Variants in CCNH observed in about 807,000 individuals in gnomAD.
CCNH encodes the protein cyclin-H.
CCNH carries 31 observed loss-of-function variants against 41.9 expected under a neutral mutation model. The ratio of observed to expected loss-of-function variants is 0.74; its 90% CI spans 0.56 to 1.00. CCNH has a LOEUF of 1.00. Ranked by LOEUF, CCNH falls within the 50% of genes least tolerant of loss-of-function variation. The pLI, the probability that CCNH is intolerant of heterozygous loss-of-function variation, is 0.00. For synonymous variants in CCNH, 138 were observed against 136.1 expected (o/e 1.01, Z -0.10); for missense variants, 362 against 388.4 (o/e 0.93, Z 0.57).
chr5:87,369,921 A>G, intron 9 of CCNH: 2 of 1,546,186 alleles, frequency 1.3e-6, no homozygotes, highest in Non-Finnish European at 1.8e-6. Context: ...TGTTTCTCAA[A>G]CTACAGTATA....
intron 9 of CCNH, among the ~76,000 whole-genome samples, chr5:87,347,536 T>G (rs1232235472): frequency 6.6e-6 from 1 of 152,006 alleles, no homozygotes; most frequent in African/African-American, 2.4e-5. Flanking sequence ...ATTCAATAGT[T>G]TCTATATTTG....
chr5:87,411,350 T>C lies in CCNH; in HGVS notation c.118-4A>G. 3 of 1,601,484 alleles carry C rather than the reference T, an allele frequency of 1.9e-6. No individual in the cohort carries two copies. The highest frequency in any genetic ancestry group is 2.6e-6 in the Non-Finnish European group (3 of 1,175,824). ...AGACTGGATCATTCGGAAGAACCTT[T>C]AGATCAACAATTACAACACAAGTTC... On this transcript the variant is annotated splice_polypyrimidine_tract_variant and splice_region_variant and intron_variant, in intron 1 of 8. Transcript: ENST00000256897.
intron 9 of CCNH, among the ~76,000 whole-genome samples, chr5:87,328,180 C>T (rs1210512181): frequency 6.6e-6 from 1 of 152,036 alleles, no homozygotes; most frequent in Non-Finnish European, 1.5e-5. Context: ...TTATAATTGC[C>T]ACAAATGTGA....
intron 9 of CCNH, among the ~76,000 whole-genome samples, chr5:87,330,674 T>C (rs1757539491): frequency 6.6e-6 from 1 of 152,170 alleles, no homozygotes; most frequent in African/African-American, 2.4e-5. Context: ...AGTATGTAGG[T>C]AGAACACAGT....
chr5:87,382,321 C>T (rs1761776256), intron 9 of CCNH, among the ~76,000 whole-genome samples: 1 of 152,142 alleles, frequency 6.6e-6, no homozygotes, highest in South Asian at 2.1e-4. Context: ...CAAAAATTAG[C>T]AAACAGGTAC....
At chr5:87,334,726 T>G (rs950529445) in intron 9 of CCNH, among the ~76,000 whole-genome samples, 4 of 152,186 alleles carry the variant, frequency 2.6e-5, no homozygotes, top group African/African-American at 9.6e-5. Context: ...TTGAAGAGTG[T>G]TGTTGATGAG....
intron 6 of CCNH, among the ~76,000 whole-genome samples, chr5:87,401,495 G>C (rs910529659): frequency 2.6e-5 from 4 of 151,956 alleles, no homozygotes; most frequent in African/African-American, 9.7e-5. Context: ...CTTTGCATAA[G>C]TTCTATATAA....
At chr5:87,377,617 T>A (rs925385393), upstream of CCNH, among the ~76,000 whole-genome samples, 1 of 151,998 alleles carries the variant, frequency 6.6e-6, no homozygotes, top group Non-Finnish European at 1.5e-5. Context: ...GGGTTACAGG[T>A]CTTGTTTAAT....
intron 9 of CCNH, among the ~76,000 whole-genome samples, chr5:87,355,703 G>C (rs890005644): frequency 1.1e-4 from 16 of 152,192 alleles, no homozygotes; most frequent in Non-Finnish European, 2.2e-4. Context: ...GTGACTTATG[G>C]ATCTGGGCAA....
At chr5:87,350,302 A>G (rs969309491) in intron 9 of CCNH, among the ~76,000 whole-genome samples, 6 of 151,888 alleles carry the variant, frequency 4.0e-5, no homozygotes, top group African/African-American at 1.4e-4. Flanking sequence ...AGTACTTTAT[A>G]CATGACAATC....
chr5:87,313,449 G>A (rs1402295842), downstream of CCNH, among the ~76,000 whole-genome samples: 2 of 152,134 alleles, frequency 1.3e-5, no homozygotes, highest in African/African-American at 4.8e-5. Flanking sequence ...TCTCCAGTTT[G>A]GCTAGATACG....
Position 87,411,268 on chromosome 5 carries a change from C to T in CCNH, c.196G>A (p.Glu66Lys), listed in dbSNP as rs763000210. Residue 66 changes from glutamate to lysine, a missense_variant, in exon 2 of 9, where the codon GAA becomes AAA. Physicochemically the swap from Glu to Lys is moderately conservative, Grantham distance 56 (BLOSUM62 1). Transcript: ENST00000256897. ...LCKYYEKRLL[E>K]FCSVFKPAMP... The stretch of plus-strand genomic sequence containing the variant: ...GCTGGCTTAAACACCGAACAGAATT[C>T]CAATAACCTTTTCTCATAGTATTTG... 1.9e-6 allele frequency: 3 copies of T among 1,612,716 alleles called. No individual in the cohort carries two copies. The highest frequency in any genetic ancestry group is 2.5e-6 in the Non-Finnish European group (3 of 1,179,412).
intron 9 of CCNH, among the ~76,000 whole-genome samples, chr5:87,385,660 T>C (rs1246451784): frequency 6.6e-6 from 1 of 152,090 alleles, no homozygotes; most frequent in African/African-American, 2.4e-5. Flanking sequence ...AATCAATGAG[T>C]ACATTTTAAT....
chr5:87,408,128 A>G lies in CCNH; in HGVS notation c.373T>C (p.Phe125Leu). The G allele has an allele frequency of 6.2e-7, 1 of 1,613,558 alleles. No homozygotes were observed. The highest frequency in any genetic ancestry group is 8.5e-7 in the Non-Finnish European group (1 of 1,179,702). ...VDEFNVSSPQ[F>L]VGNLRESPLG... The stretch of plus-strand genomic sequence containing the variant: ...GGACTCTCCCGGAGGTTTCCAACAA[A>G]CTGAGGACTAGATACATTGAATTCA... The change falls in exon 4 of 9, where the codon TTT (phenylalanine) becomes CTT (leucine). Residue 125 changes from phenylalanine to leucine, a missense_variant. Coordinates refer to ENST00000256897, the MANE Select transcript of CCNH (RefSeq NM_001239.4).
At chr5:87,332,182 C>T (rs555545547) in intron 9 of CCNH, among the ~76,000 whole-genome samples, 8 of 152,130 alleles carry the variant, frequency 5.3e-5, no homozygotes, top group African/African-American at 1.9e-4. Flanking sequence ...CCATATAAAA[C>T]TTATTAAATT....
At chr5:87,407,197 C>T (rs1425418873) in intron 4 of CCNH, among the ~76,000 whole-genome samples, 1 of 152,162 alleles carries the variant, frequency 6.6e-6, no homozygotes, top group African/African-American at 2.4e-5. Context: ...AGAATGTTTT[C>T]CTTACCCCTT....
At chr5:87,391,882 GGTTAA>G (rs886060850), downstream of CCNH, 14 of 230,394 alleles carry the variant, frequency 6.1e-5, no homozygotes, top group East Asian at 7.6e-4. Context: ...TATTCACAAA[GGTTAA>G]GTTAAAATAA....
intron 9 of CCNH, among the ~76,000 whole-genome samples, chr5:87,343,885 A>G (rs1373591972): frequency 6.6e-6 from 1 of 152,212 alleles, no homozygotes; most frequent in African/African-American, 2.4e-5. Context: ...CTATTCAGCC[A>G]TAAACAAGAA....
rs759774462 is a variant in CCNH at position 87,404,946 on chromosome 5, T to C, written c.587A>G (p.Asn196Ser). ...ILRKTADDFL[N>S]RIALTDAYLL... ...GTAAGCATCCGTCAATGCAATTCTA[T>C]TAAGAAAGTCATCAGCTGTTTTCCT... The change falls in exon 5 of 9, where the codon AAT becomes AGT. Residue 196 changes from asparagine to serine, a missense_variant. Coordinates refer to ENST00000256897, the MANE Select transcript of CCNH (RefSeq NM_001239.4). 6.2e-7 allele frequency: 1 copy of C among 1,613,240 alleles called. No homozygotes were observed. Among genetic ancestry groups the C allele is most frequent in the African/African-American group, 1.3e-5 (1 of 74,894 alleles).
Sources: allele counts gnomAD v4.1 joint callset (sites outside exome capture counted in the v4.1 genomes callset), GRCh38; gene constraint gnomAD v4.1.1; transcripts MANE v1.5; gene names NCBI Gene and HGNC (gene_info 2026-07-23, HGNC 2026-07-21).